CDH13: variants seen among roughly 807,000 people sequenced by gnomAD.
CDH13 encodes cadherin 13, also known as cadherin-13.
In CDH13, 24 loss-of-function variants were observed where a neutral mutation model predicts 63.8. The observed-to-expected ratio is 0.38, with a 90% CI of 0.27 to 0.53. The LOEUF (loss-of-function observed/expected upper bound fraction) is 0.53, where lower values mean the gene tolerates loss of function less well. CDH13 is among the 20% of genes least tolerant of loss of function. The pLI, the probability that CDH13 is intolerant of heterozygous loss-of-function variation, is 0.85. For missense variants in CDH13, 1,049 were observed against 903.1 expected (o/e 1.16, Z -2.07); for synonymous variants, 503 against 355.3 (o/e 1.42, Z -4.67).
intron 6 of CDH13, among the ~76,000 whole-genome samples, chr16:83,475,836 C>T (rs1481551678): frequency 6.6e-6 from 1 of 152,170 alleles, no homozygotes; most frequent in Non-Finnish European, 1.5e-5. Flanking sequence ...CCACCCACCT[C>T]GGCCTCCCAA....
Position 83,125,433 on chromosome 16 carries a change from T to A in CDH13, c.415T>A (p.Ser139Thr). 1.2e-6 allele frequency: 2 copies of A among 1,612,092 alleles called. No homozygotes were observed. The highest frequency in any genetic ancestry group is 2.2e-5 in the East Asian group (1 of 44,850). The change falls in exon 4 of 14, where the codon TCC becomes ACC. Residue 139 changes from serine (S) to threonine (T), a missense_variant. Coordinates refer to ENST00000567109, the MANE Select transcript of CDH13 (RefSeq NM_001257.5). ...RTSPVPRQKR[S>T]IVVSPILIPE... is the part of the protein sequence containing the mutation. ...TTCTCCTGTCCCAAGACAAAAGAGG[T>A]CCATTGTGGTATCTCCCATTTTAAT... is the stretch of plus-strand genomic sequence containing the variant.
intron 2 of CDH13, among the ~76,000 whole-genome samples, chr16:82,922,391 C>T (rs1223630528): frequency 2.0e-5 from 3 of 152,136 alleles, no homozygotes; most frequent in African/African-American, 4.8e-5. Context: ...AAGACATAGG[C>T]AGATTCTTTC....
intron 6 of CDH13, among the ~76,000 whole-genome samples, chr16:83,471,024 G>A (rs553406789): frequency 3.9e-5 from 6 of 152,236 alleles, no homozygotes; most frequent in African/African-American, 1.4e-4. Context: ...AAAGCCAGCA[G>A]TGTGGCGTCT....
At chr16:83,221,620 G>C (rs911824338) in intron 5 of CDH13, among the ~76,000 whole-genome samples, 1 of 151,608 alleles carries the variant, frequency 6.6e-6, no homozygotes, top group Non-Finnish European at 1.5e-5. Flanking sequence ...CGGGAGTGGA[G>C]TGGGAGACCA....
At chr16:83,473,093 A>G (rs543832536) in intron 6 of CDH13, among the ~76,000 whole-genome samples, 1 of 152,332 alleles carries the variant, frequency 6.6e-6, no homozygotes, top group South Asian at 2.1e-4. Context: ...ATCCCAGCGC[A>G]TTTAATTTCA....
intron 2 of CDH13, among the ~76,000 whole-genome samples, chr16:82,907,995 C>A (rs1352148984): frequency 6.6e-6 from 1 of 152,106 alleles, no homozygotes; most frequent in African/African-American, 2.4e-5. Flanking sequence ...TAAGACCTTT[C>A]AGGAAAGGTA....
intron 6 of CDH13, among the ~76,000 whole-genome samples, chr16:83,355,218 A>G (rs566173835): frequency 2.6e-5 from 4 of 152,222 alleles, no homozygotes; most frequent in Non-Finnish European, 4.4e-5. Context: ...GAGAGAAGAG[A>G]TCACATAAAA....
In CDH13 at chr16:83,342,843, G is replaced by GTTTTTTTTTTTTTTTTTT. The variant is rs778316746; in HGVS notation, c.637-2012_637-1995dup. On this transcript the variant is annotated intron_variant, in intron 5 of 13. Transcript: ENST00000567109. ...TTAGGCACAGTGTTTTTTTGTTTCT[G>GTTTTTTTTTTTTTTTTTT]TTTTTTTTTTTTTTTTTTTTTTTTG... Among the ~76,000 whole-genome samples, 103 of 65,288 alleles carry GTTTTTTTTTTTTTTTTTT rather than the reference G, an allele frequency of 1.6e-3. 1 individual carries two copies. The highest frequency in any genetic ancestry group is 2.6e-3 in the East Asian group (5 of 1,946). The allele number at this position is 65,288 out of a possible 152,430, so 42.8% of individuals were successfully genotyped here.
At chr16:83,095,594 A>G (rs557554180) in intron 3 of CDH13, among the ~76,000 whole-genome samples, 1 of 152,168 alleles carries the variant, frequency 6.6e-6, no homozygotes, top group Non-Finnish European at 1.5e-5. Context: ...AAGCTTATGT[A>G]TTTGGGTACA....
chr16:82,652,210 G>T (rs1210951413), intron 1 of CDH13, among the ~76,000 whole-genome samples: 1 of 152,168 alleles, frequency 6.6e-6, no homozygotes, highest in African/African-American at 2.4e-5. Context: ...TTGTGCTTCA[G>T]AAAATCATTA....
intron 2 of CDH13, among the ~76,000 whole-genome samples, chr16:83,030,700 G>A (rs1251261492): frequency 7.1e-6 from 1 of 139,948 alleles, no homozygotes; most frequent in Non-Finnish European, 1.5e-5. Context: ...CAATCCTTGA[G>A]AAGCACTCCT....
At chr16:83,749,791 T>G (rs1912926065) in intron 11 of CDH13, among the ~76,000 whole-genome samples, 1 of 152,160 alleles carries the variant, frequency 6.6e-6, no homozygotes, top group South Asian at 2.1e-4. Flanking sequence ...TAGAGTGTCC[T>G]AACTGTTCTG....
chr16:83,123,374 G>A (rs142355247), intron 3 of CDH13, among the ~76,000 whole-genome samples: 4,554 of 151,992 alleles, frequency 0.03, 93 homozygotes, highest in Non-Finnish European at 0.041. Flanking sequence ...CTGACTCTTG[G>A]GTTCAAGTGA....
chr16:83,602,813 C>A (rs74035213), intron 8 of CDH13, among the ~76,000 whole-genome samples: 2,579 of 152,298 alleles, frequency 0.017, 90 homozygotes, highest in African/African-American at 0.059. Flanking sequence ...AACAAGAGCA[C>A]TGAATCTTGT....
intron 1 of CDH13, among the ~76,000 whole-genome samples, chr16:82,820,603 C>A (rs2037958623): frequency 6.6e-6 from 1 of 152,300 alleles, no homozygotes; most frequent in East Asian, 1.9e-4. Flanking sequence ...TCACGGAACA[C>A]ATTTTTATTG....
chr16:83,085,013 A>C lies in CDH13; in HGVS notation c.367-40372A>C, dbSNP rs138804146. On this transcript the variant is annotated intron_variant, in intron 3 of 13. Transcript: ENST00000567109. ...TATGAGAAATTCAGGCTATTCCTCT[A>C]CTTCATCTCAGCATCCTTAATTGTC... 8.5e-5 allele frequency among the ~76,000 whole-genome samples: 13 copies of C among 152,310 alleles called. No homozygotes were observed. In the East Asian group the frequency reaches 1.3e-3, roughly 16 times the overall value.
At chr16:83,533,465 G>T (rs544285015) in intron 7 of CDH13, among the ~76,000 whole-genome samples, 1 of 152,246 alleles carries the variant, frequency 6.6e-6, no homozygotes, top group African/African-American at 2.4e-5. Context: ...CAGGAAGTCG[G>T]ATCTGTGTAG....
At chr16:82,638,957 T>G (rs1247836947) in intron 1 of CDH13, among the ~76,000 whole-genome samples, 7 of 152,212 alleles carry the variant, frequency 4.6e-5, no homozygotes, top group African/African-American at 2.4e-5. Context: ...CTGCAACCCT[T>G]AGAGGCGACT....
chr16:83,660,467 T>C (rs1376090045), intron 8 of CDH13, among the ~76,000 whole-genome samples: 1 of 152,080 alleles, frequency 6.6e-6, no homozygotes, highest in Non-Finnish European at 1.5e-5. Flanking sequence ...GGAGCTCAGG[T>C]GGTAATATGA....
Sources: gnomAD v4.1 joint callset for allele counts (sites outside exome capture counted in the v4.1 genomes callset) on GRCh38, gnomAD v4.1.1 for gene constraint, MANE v1.5 for transcripts, NCBI Gene and HGNC (gene_info 2026-07-23, HGNC 2026-07-21) for gene names.